The following SERAC1 variants were observed in gnomAD, a reference collection of about 807,000 sequenced individuals.
SERAC1 encodes the protein protein SERAC1.
A neutral mutation model predicts 85.7 loss-of-function variants in SERAC1; 36 were observed. The ratio of observed to expected loss-of-function variants is 0.42; its 90% confidence interval spans 0.32 to 0.55. The LOEUF is 0.55. Among genes scored for constraint, SERAC1 ranks in the 20% least tolerant of loss-of-function variants. The pLI is 0.11. For missense variants in SERAC1, 629 were observed against 796.2 expected (o/e 0.79, Z 2.53); for synonymous variants, 242 against 265.3 (o/e 0.91, Z 0.85).
chr6:158,132,691 A>G (rs1784705754), intron 8 of SERAC1, among the ~76,000 whole-genome samples: 1 of 152,198 alleles, frequency 6.6e-6, no homozygotes, highest in African/African-American at 2.4e-5. Context: ...TTCCCATTTC[A>G]TTCTCACTTT....
At chr6:158,131,787 C>T (rs1784683624) in intron 8 of SERAC1, among the ~76,000 whole-genome samples, 1 of 152,118 alleles carries the variant, frequency 6.6e-6, no homozygotes, top group South Asian at 2.1e-4. Context: ...TTGCTAGCTG[C>T]TGCATTGTTT....
At position 158,153,447 on chromosome 6, in the gene SERAC1, C is replaced by T. The variant is rs112186777; in HGVS notation, c.128+1868G>A. On this transcript the variant is annotated intron_variant, in intron 3 of 16. Coordinates refer to ENST00000647468, the MANE Select transcript of SERAC1 (RefSeq NM_032861.4). ...ATACATCTGTACTGTGCATACAGTA[C>T]GTGTTCCTCTATCTACACGTACAGG... is the stretch of plus-strand genomic sequence containing the variant. Among the ~76,000 whole-genome samples, 9 of 151,982 alleles carry T rather than the reference C, an allele frequency of 5.9e-5. 1 individual carries two copies. The highest frequency in any genetic ancestry group is 5.8e-4 in the East Asian group (3 of 5,170).
chr6:158,148,547 A>G (rs1420306476), intron 5 of SERAC1, among the ~76,000 whole-genome samples: 1 of 152,048 alleles, frequency 6.6e-6, no homozygotes, highest in African/African-American at 2.4e-5. Flanking sequence ...AGTTCAAGTC[A>G]TTCTCCTGCC....
At chr6:158,165,472 A>T (rs1296848960) in intron 1 of SERAC1, among the ~76,000 whole-genome samples, 1 of 151,984 alleles carries the variant, frequency 6.6e-6, no homozygotes, top group Non-Finnish European at 1.5e-5. Context: ...TAATATCTAT[A>T]TGCCAGTGAT....
At chr6:158,130,004 C>A (rs1226466901) in intron 9 of SERAC1, among the ~76,000 whole-genome samples, 1 of 152,094 alleles carries the variant, frequency 6.6e-6, no homozygotes, top group Non-Finnish European at 1.5e-5. Flanking sequence ...CCTGTTTTTT[C>A]TTTTATCCTG....
intron 14 of SERAC1, among the ~76,000 whole-genome samples, chr6:158,115,959 C>T (rs1290558510): frequency 4.6e-5 from 7 of 152,230 alleles, no homozygotes; most frequent in Admixed American, 4.6e-4. Flanking sequence ...AACCCATATC[C>T]CTCTTAGATG....
At chr6:158,121,431 A>C (rs946158794) in intron 10 of SERAC1, among the ~76,000 whole-genome samples, 2 of 152,134 alleles carry the variant, frequency 1.3e-5, no homozygotes, top group Non-Finnish European at 2.9e-5. Context: ...CTCCCTCCTT[A>C]CTTGCTCTGG....
intron 8 of SERAC1, among the ~76,000 whole-genome samples, chr6:158,141,862 G>A (rs527784656): frequency 1.3e-5 from 2 of 152,228 alleles, no homozygotes; most frequent in East Asian, 3.9e-4. Context: ...TGGCCCAAAA[G>A]GGGAAATTAT....
rs142457757 is a variant in SERAC1 at position 158,135,973 on chromosome 6, C to A, written c.739-5487G>T. 8.1e-3 allele frequency among the ~76,000 whole-genome samples: 1,239 copies of A among 152,152 alleles called. 14 individuals carry two copies. Among genetic ancestry groups the A allele is most frequent in the East Asian group, 0.031 (162 of 5,150 alleles). On this transcript the variant is annotated intron_variant, in intron 8 of 16. Transcript: ENST00000647468. ...TACAGGCACCTGCCACCACGCCTGG[C>A]TAATTTTTTTGTATTTTTAGTAGAG...
intron 10 of SERAC1, among the ~76,000 whole-genome samples, chr6:158,124,142 G>A (rs928761498): frequency 6.6e-6 from 1 of 151,966 alleles, no homozygotes; most frequent in Non-Finnish European, 1.5e-5. Flanking sequence ...TTTCAGAGAA[G>A]AGTCATTTTT....
At position 158,117,699 on chromosome 6, in the gene SERAC1, C is replaced by T; in HGVS notation, c.1403+28G>A. Reference sequence around the variant, plus strand: ...ACTTGCGGCCTGAATTCTTCCCTGTCCTCCTGGTCTAAAGTCGCCTCTGTT... The same window carrying T: ...ACTTGCGGCCTGAATTCTTCCCTGTTCTCCTGGTCTAAAGTCGCCTCTGTT... On this transcript the variant is annotated intron_variant, in intron 13 of 16. Coordinates refer to ENST00000647468, the MANE Select transcript of SERAC1 (RefSeq NM_032861.4). This position sits in a 1 kb window ranked among gnomAD's most constrained non-coding sequence, Gnocchi z 4.3. 6.2e-7 allele frequency: 1 copy of T among 1,612,834 alleles called. No homozygotes were observed. Among genetic ancestry groups the T allele is most frequent in the Non-Finnish European group, 8.5e-7 (1 of 1,178,926 alleles).
At chr6:158,156,738 A>AT (rs1785343133) in intron 2 of SERAC1, among the ~76,000 whole-genome samples, 1 of 136,502 alleles carries the variant, frequency 7.3e-6, no homozygotes, top group South Asian at 2.2e-4. Context: ...TATATATATA[A>AT]ATATATTATT....
At chr6:158,137,083 G>A (rs936710860) in intron 8 of SERAC1, among the ~76,000 whole-genome samples, 5 of 151,742 alleles carry the variant, frequency 3.3e-5, no homozygotes, top group Non-Finnish European at 7.4e-5. Context: ...GCTTGAATGC[G>A]GGAGATGGAG....
Position 158,141,942 on chromosome 6 carries a change from A to T in SERAC1, c.738+1114T>A, listed in dbSNP as rs552536755. On this transcript the variant is annotated intron_variant, in intron 8 of 16. Coordinates refer to ENST00000647468, the MANE Select transcript of SERAC1 (RefSeq NM_032861.4). ...TTCTCACAAAAGGGAAAAATGAGAA[A>T]ACGCATTTAATTGGTCAAAGAATAT... 1.2e-4 allele frequency among the ~76,000 whole-genome samples: 18 copies of T among 152,306 alleles called. No homozygotes were observed. The East Asian group carries it at 3.5e-3, about 29-fold the overall frequency.
chr6:158,117,832 T>C lies in SERAC1; in HGVS notation c.1309-11A>G. 2 of 1,602,300 alleles carry C rather than the reference T, an allele frequency of 1.2e-6. No homozygotes were observed. Among genetic ancestry groups the C allele is most frequent in the Non-Finnish European group, 1.7e-6 (2 of 1,170,094 alleles). On this transcript the variant is annotated splice_polypyrimidine_tract_variant and intron_variant, in intron 12 of 16. Transcript: ENST00000647468. This position sits in a 1 kb window ranked among gnomAD's most constrained non-coding sequence, Gnocchi z 4.3. ...TTTTGCTAACCATGTCTAAGTAAAA[T>C]AAAACATATGTGAGAACAAGTATGA...
intron 1 of SERAC1, chr6:158,159,158 C>A (rs1448742942): frequency 1.3e-5 from 2 of 152,062 alleles, no homozygotes; most frequent in Non-Finnish European, 2.9e-5. Flanking sequence ...TCTTTGGGTG[C>A]ATCCTGTCCT....
intron 1 of SERAC1, among the ~76,000 whole-genome samples, chr6:158,165,242 G>A (rs529036330): frequency 1.9e-4 from 29 of 151,796 alleles, no homozygotes; most frequent in Non-Finnish European, 4.0e-4. Context: ...TGCAAACTCC[G>A]TCTCCCAGGT....
At chr6:158,123,172 C>G (rs1364984891) in intron 10 of SERAC1, among the ~76,000 whole-genome samples, 1 of 152,172 alleles carries the variant, frequency 6.6e-6, no homozygotes, top group Non-Finnish European at 1.5e-5. Flanking sequence ...GTAGGTAACT[C>G]TTTCAGAAGT....
At chr6:158,151,873 TAA>T (rs113019190) in intron 3 of SERAC1, among the ~76,000 whole-genome samples, 2 of 145,900 alleles carry the variant, frequency 1.4e-5, no homozygotes, top group African/African-American at 2.5e-5. Flanking sequence ...GTTCATAAGT[TAA>T]AAAAAAAAAA....
Sources: gnomAD v4.1 joint callset for allele counts (sites outside exome capture counted in the v4.1 genomes callset) on GRCh38, gnomAD v4.1.1 for gene constraint, Gnocchi (gnomAD v3.1) non-coding constraint, MANE v1.5 for transcripts, NCBI Gene and HGNC (gene_info 2026-07-23, HGNC 2026-07-21) for gene names.